Variants in ALK observed in about 807,000 individuals in gnomAD.
ALK encodes the protein ALK receptor tyrosine kinase, also known as ALK tyrosine kinase receptor.
Under a neutral mutation model 163.1 loss-of-function variants are expected in ALK, and 74 were observed. The ratio of observed to expected loss-of-function variants is 0.45; its 90% CI spans 0.38 to 0.55. The LOEUF (loss-of-function observed/expected upper bound fraction) is 0.55, where lower values mean the gene tolerates loss of function less well. Among genes scored for constraint, ALK ranks in the 20% least tolerant of loss-of-function variants. The probability of loss-of-function intolerance (pLI) is 0.00; values close to 1 mark genes in which losing one functional copy is unlikely to be tolerated. For synonymous variants in ALK, 960 were observed against 843.2 expected, an observed-to-expected ratio of 1.14 and a Z score of -2.40; for missense variants, 2,063 against 2,105.3, an observed-to-expected ratio of 0.98 and a Z score of 0.39.
At chr2:29,663,200 C>A (rs1677404830) in intron 3 of ALK, among the ~76,000 whole-genome samples, 1 of 152,134 alleles carries the variant, frequency 6.6e-6, no homozygotes, top group Non-Finnish European at 1.5e-5. Flanking sequence ...TATTCATCTT[C>A]CTGAGCAACC....
At chr2:29,223,652 AT>A (rs1249550273) in intron 19 of ALK, 124 bp from the exon 20 acceptor site, 3 of 835,486 alleles carry the variant, frequency 3.6e-6, no homozygotes, top group African/African-American at 3.4e-5. Flanking sequence ...GAACCTTTCC[AT>A]CATACTTAGA....
intron 4 of ALK, among the ~76,000 whole-genome samples, chr2:29,506,756 CA>C (rs11328030): frequency 0.38 from 55,201 of 145,998 alleles, 11,924 homozygotes; most frequent in South Asian, 0.59. Flanking sequence ...AAAAACAAAA[CA>C]AAAAAAAAAA....
At position 29,400,992 on chromosome 2, in the gene ALK, G is replaced by T. The variant is rs6758906; in HGVS notation, c.1155-17133C>A. On this transcript the variant is annotated intron_variant, in intron 4 of 28. Transcript: ENST00000389048. The stretch of plus-strand genomic sequence containing the variant: ...CTCTGTCTCAAAAAAAAAAAAAGCA[G>T]ATGTTTTTGGCCCACAATTAAACCT... 7.3e-3 allele frequency among the ~76,000 whole-genome samples: 1,111 copies of T among 151,596 alleles called. 13 individuals are homozygous for T. The highest frequency in any genetic ancestry group is 0.025 in the African/African-American group (1,038 of 41,218).
rs1197778235 is a variant in ALK, at chr2:29,697,192, A to G, written c.788-2178T>C. ...CTTTCTGATTGATAAGGGAAAGGCC[A>G]TAGGTAACTGGAATTTCCTCACAGC... On this transcript the variant is annotated intron_variant, in intron 2 of 28. Coordinates refer to ENST00000389048, the MANE Select transcript of ALK (RefSeq NM_004304.5). 2.0e-5 allele frequency among the ~76,000 whole-genome samples: 3 copies of G among 152,214 alleles called. No individual in the cohort carries two copies. The East Asian group carries it at 5.8e-4, about 29-fold the overall frequency.
intron 4 of ALK, among the ~76,000 whole-genome samples, chr2:29,445,103 T>C (rs1185713892): frequency 6.6e-6 from 1 of 152,218 alleles, no homozygotes; most frequent in Non-Finnish European, 1.5e-5. Flanking sequence ...CCTGAGCCTC[T>C]GCTGAAAAGG....
intron 9 of ALK, among the ~76,000 whole-genome samples, chr2:29,285,589 G>A (rs1183927116): frequency 7.1e-6 from 1 of 140,214 alleles, no homozygotes; most frequent in Non-Finnish European, 1.5e-5. Context: ...TTGGAATGGA[G>A]TCTCTTTCTG....
At chr2:29,504,711 C>T (rs72794470) in intron 4 of ALK, among the ~76,000 whole-genome samples, 11,112 of 152,052 alleles carry the variant, frequency 0.073, 554 homozygotes, top group Non-Finnish European at 0.11. Context: ...AGAGAGACCT[C>T]GAGGCTCATC....
chr2:29,774,512 G>C (rs1228276272), intron 1 of ALK, among the ~76,000 whole-genome samples: 1 of 152,184 alleles, frequency 6.6e-6, no homozygotes, highest in African/African-American at 2.4e-5. Flanking sequence ...TATGACAAGG[G>C]CAGAGCTGGC....
intron 1 of ALK, among the ~76,000 whole-genome samples, chr2:29,831,973 A>C (rs767898828): frequency 6.6e-6 from 1 of 152,236 alleles, no homozygotes; most frequent in Non-Finnish European, 1.5e-5. Flanking sequence ...GTATGGTCTT[A>C]TCGTTCAAAG....
chr2:29,275,630 G>A (rs1665526275), intron 9 of ALK, 134 bp from the exon 10 acceptor site: 1 of 860,372 alleles, frequency 1.2e-6, no homozygotes, highest in Non-Finnish European at 1.9e-6. Flanking sequence ...TCCCAGAGCA[G>A]TGGCGAGAGA....
intron 3 of ALK, among the ~76,000 whole-genome samples, chr2:29,551,056 T>C (rs1232944693): frequency 6.6e-6 from 1 of 152,140 alleles, no homozygotes; most frequent in Non-Finnish European, 1.5e-5. Flanking sequence ...CCTGCTTCTG[T>C]GAATATCATA....
intron 5 of ALK, among the ~76,000 whole-genome samples, chr2:29,348,544 T>C (rs1217888073): frequency 6.6e-6 from 1 of 152,188 alleles, no homozygotes; most frequent in Admixed American, 6.5e-5. Context: ...CAAGGTCAGT[T>C]GGGCCATTTC....
At chr2:29,841,164 C>T (rs1313793170) in intron 1 of ALK, among the ~76,000 whole-genome samples, 1 of 152,034 alleles carries the variant, frequency 6.6e-6, no homozygotes, top group African/African-American at 2.4e-5. Flanking sequence ...CTTAAAAAGC[C>T]AAACTCCCAC....
chr2:29,250,715 T>C lies in ALK; in HGVS notation c.2204+390A>G, dbSNP rs138099425. On this transcript the variant is annotated intron_variant, in intron 12 of 28. Coordinates refer to ENST00000389048, the MANE Select transcript of ALK (RefSeq NM_004304.5). The stretch of plus-strand genomic sequence containing the variant: ...AGGCCCAGGAAAGGAGGCGCAAGGA[T>C]AAGAGCATCAGCTTTCAGGTGCATT... Among the ~76,000 whole-genome samples, 9 of 152,344 alleles carry C rather than the reference T, an allele frequency of 5.9e-5. No homozygotes were observed. In the East Asian group the frequency reaches 1.7e-3, roughly 29 times the overall value.
At chr2:29,895,649 T>G (rs1667250460) in intron 1 of ALK, among the ~76,000 whole-genome samples, 1 of 152,254 alleles carries the variant, frequency 6.6e-6, no homozygotes, top group African/African-American at 2.4e-5. Context: ...TATTATTTTA[T>G]TCCTTCTAGA....
Position 29,831,272 on chromosome 2 carries a change from G to GAAGAAGAATAAGAAT in ALK, c.667+88720_667+88721insATTCTTATTCTTCTT, listed in dbSNP as rs1553368558. On this transcript the variant is annotated intron_variant, in intron 1 of 28. Transcript: ENST00000389048. ...GGAAGAGGAAGAGGAAGAAGAAGAA[G>GAAGAAGAATAAGAAT]AAGAAGAAGAAGAAGAAGAAGAAGA... is the stretch of plus-strand genomic sequence containing the variant. Among the ~76,000 whole-genome samples, 4 of 102,970 alleles carry GAAGAAGAATAAGAAT rather than the reference G, an allele frequency of 3.9e-5. 1 individual carries two copies. The highest frequency in any genetic ancestry group is 1.3e-4 in the African/African-American group (4 of 30,136). 67.6% of individuals were successfully genotyped at this position (102,970 alleles called of 152,430 possible).
At chr2:29,697,225 G>C (rs563457106) in intron 2 of ALK, among the ~76,000 whole-genome samples, 46 of 152,252 alleles carry the variant, frequency 3.0e-4, no homozygotes, top group African/African-American at 1.1e-3. Flanking sequence ...AGCCTGCTTT[G>C]CCAGCCCTAT....
At chr2:29,865,978 T>C (rs1035710199) in intron 1 of ALK, among the ~76,000 whole-genome samples, 7 of 152,190 alleles carry the variant, frequency 4.6e-5, no homozygotes, top group Non-Finnish European at 7.3e-5. Context: ...CAGTATGTTA[T>C]CTTCAGCATC....
At chr2:29,377,304 G>A (rs1006811867) in intron 5 of ALK, among the ~76,000 whole-genome samples, 11 of 151,808 alleles carry the variant, frequency 7.2e-5, no homozygotes, top group Admixed American at 2.0e-4. Flanking sequence ...GTGAAACCCC[G>A]TCTCTACTGA....
Sources: allele counts gnomAD v4.1 joint callset (sites outside exome capture counted in the v4.1 genomes callset), GRCh38; gene constraint gnomAD v4.1.1; transcripts MANE v1.5; gene names NCBI Gene and HGNC (gene_info 2026-07-23, HGNC 2026-07-21).